The following CDKAL1 variants were observed in gnomAD, a reference collection of about 807,000 sequenced individuals.
CDKAL1 encodes the protein CDKAL1 threonylcarbamoyladenosine tRNA methylthiotransferase, also known as threonylcarbamoyladenosine tRNA methylthiotransferase.
Under a neutral mutation model 68.2 loss-of-function variants are expected in CDKAL1, and 32 were observed. That is an observed-to-expected ratio of 0.47 (90% CI 0.35 to 0.63). The LOEUF (loss-of-function observed/expected upper bound fraction) is 0.63, where lower values mean the gene tolerates loss of function less well. CDKAL1 is among the 30% of genes least tolerant of loss of function. The pLI, the probability that CDKAL1 is intolerant of heterozygous loss-of-function variation, is 0.00. For synonymous variants in CDKAL1, 234 were observed against 244.3 expected (o/e 0.96, Z 0.39); for missense variants, 606 against 696.7 (o/e 0.87, Z 1.47).
chr6:21,205,898 G>A (rs1330315590), intron 15 of CDKAL1, among the ~76,000 whole-genome samples: 4 of 137,360 alleles, frequency 2.9e-5, no homozygotes, highest in East Asian at 2.2e-4. Context: ...GCAGTGGCGC[G>A]ATCTTGGCTC....
intron 4 of CDKAL1, among the ~76,000 whole-genome samples, chr6:20,587,297 CA>C: frequency 6.6e-6 from 1 of 152,056 alleles, no homozygotes; most frequent in Non-Finnish European, 1.5e-5. Flanking sequence ...TCCTTCTTTT[CA>C]TTTTAGGGGA....
intron 5 of CDKAL1, among the ~76,000 whole-genome samples, chr6:20,678,005 G>A (rs1290417875): frequency 6.6e-6 from 1 of 150,948 alleles, no homozygotes; most frequent in Non-Finnish European, 1.5e-5. Flanking sequence ...ATCATTTTGT[G>A]AATGTTCAAT....
At chr6:20,715,529 T>G (rs1772050259) in intron 5 of CDKAL1, among the ~76,000 whole-genome samples, 1 of 152,194 alleles carries the variant, frequency 6.6e-6, no homozygotes, top group South Asian at 2.1e-4. Flanking sequence ...AGTGCAGAGA[T>G]CTTTTATGAA....
chr6:21,021,732 C>T (rs907585291), intron 11 of CDKAL1, among the ~76,000 whole-genome samples: 5 of 152,176 alleles, frequency 3.3e-5, no homozygotes, highest in African/African-American at 4.8e-5. Context: ...CCAGAGTTTT[C>T]GTCACCATTT....
At chr6:20,682,002 A>G (rs1770398902) in intron 5 of CDKAL1, among the ~76,000 whole-genome samples, 1 of 152,234 alleles carries the variant, frequency 6.6e-6, no homozygotes, top group African/African-American at 2.4e-5. Flanking sequence ...GTCCTCACAC[A>G]GTGGAAGGGG....
chr6:20,621,286 A>T lies in CDKAL1; in HGVS notation c.287-28007A>T, dbSNP rs142614608. ...GTTTTTCTCATGATTAGCCTGGGATATGGGTTATTGGGAGGAAGACCATGC... is the reference window on the plus strand; with the variant it reads ...GTTTTTCTCATGATTAGCCTGGGATTTGGGTTATTGGGAGGAAGACCATGC... On this transcript the variant is annotated intron_variant, in intron 4 of 15. Transcript: ENST00000274695. 5.1e-3 allele frequency among the ~76,000 whole-genome samples: 781 copies of T among 152,230 alleles called. 9 individuals are homozygous for T. Among genetic ancestry groups the T allele is most frequent in the African/African-American group, 0.018 (738 of 41,542 alleles).
intron 8 of CDKAL1, among the ~76,000 whole-genome samples, chr6:20,828,758 G>A (rs982540606): frequency 6.6e-6 from 1 of 152,120 alleles, no homozygotes; most frequent in African/African-American, 2.4e-5. Flanking sequence ...GTGGCATTAA[G>A]TACATTCGTG....
intron 9 of CDKAL1, among the ~76,000 whole-genome samples, chr6:20,946,324 C>T (rs570952127): frequency 1.1e-3 from 160 of 152,314 alleles, no homozygotes; most frequent in African/African-American, 3.8e-3. Flanking sequence ...CCCTCTGCTT[C>T]AAGGGCTCTT....
Position 20,883,654 on chromosome 6 carries a change from C to T in CDKAL1, c.742+37476C>T, listed in dbSNP as rs192300580. ...GAAGTGTCTTGATATATGCATCTTT[C>T]TTTGAAATGCATAAGAAAGTACAAT... On this transcript the variant is annotated intron_variant, in intron 9 of 15. Coordinates refer to ENST00000274695, the MANE Select transcript of CDKAL1 (RefSeq NM_017774.3). Among the ~76,000 whole-genome samples, 1,059 of 152,216 alleles carry T rather than the reference C, an allele frequency of 7.0e-3. 4 individuals are homozygous for T. Among genetic ancestry groups the T allele is most frequent in the Non-Finnish European group, 9.3e-3 (631 of 68,020 alleles).
chr6:20,636,803 G>A (rs959287482), intron 4 of CDKAL1, among the ~76,000 whole-genome samples: 1 of 152,182 alleles, frequency 6.6e-6, no homozygotes, highest in South Asian at 2.1e-4. Flanking sequence ...TTGGGAGGCC[G>A]AGGCGGGTGG....
intron 11 of CDKAL1, among the ~76,000 whole-genome samples, chr6:21,039,305 C>T (rs1199094689): frequency 2.0e-5 from 3 of 152,164 alleles, no homozygotes; most frequent in Admixed American, 6.5e-5. Flanking sequence ...CCCAAACCCC[C>T]AAGTCCATGG....
chr6:21,105,146 A>G (rs1015770145), intron 12 of CDKAL1, among the ~76,000 whole-genome samples: 1 of 152,232 alleles, frequency 6.6e-6, no homozygotes, highest in African/African-American at 2.4e-5. Context: ...ATAAGTGGGT[A>G]TATGGGAAGA....
chr6:21,156,421 C>T, intron 13 of CDKAL1, among the ~76,000 whole-genome samples: 1 of 87,452 alleles, frequency 1.1e-5, no homozygotes, highest in African/African-American at 5.4e-5. Context: ...GAGACCCTGT[C>T]TCCAAAAAAA....
chr6:21,122,721 C>T (rs571650826), intron 13 of CDKAL1, among the ~76,000 whole-genome samples: 1 of 151,746 alleles, frequency 6.6e-6, no homozygotes, highest in African/African-American at 2.4e-5. Context: ...ACTGCAGCCT[C>T]GAACTCCTGG....
chr6:21,178,503 T>G (rs1777670407), intron 13 of CDKAL1, among the ~76,000 whole-genome samples: 1 of 152,236 alleles, frequency 6.6e-6, no homozygotes, highest in African/African-American at 2.4e-5. Flanking sequence ...ATCATTTTTC[T>G]TAACATTTAT....
chr6:20,772,876 C>A (rs1262961407), intron 7 of CDKAL1: 1 of 152,180 alleles, frequency 6.6e-6, no homozygotes, highest in Non-Finnish European at 1.5e-5. Context: ...GTGTTGGAAC[C>A]TTCATGCTTT....
chr6:20,845,606 C>CTATA (rs775074952), intron 8 of CDKAL1, among the ~76,000 whole-genome samples: 2 of 151,890 alleles, frequency 1.3e-5, no homozygotes, highest in East Asian at 1.9e-4. Context: ...TATGAGAATG[C>CTATA]TATATTATCT....
intron 9 of CDKAL1, among the ~76,000 whole-genome samples, chr6:20,932,920 T>C (rs1458618821): frequency 1.3e-5 from 2 of 152,214 alleles, no homozygotes; most frequent in African/African-American, 2.4e-5. Context: ...TTTTGTGTTA[T>C]TGAATTTGAT....
intron 15 of CDKAL1, among the ~76,000 whole-genome samples, chr6:21,205,690 C>G (rs1299594980): frequency 2.6e-5 from 4 of 150,950 alleles, no homozygotes; most frequent in African/African-American, 4.9e-5. Flanking sequence ...GCCACCACGC[C>G]CAGCTAATTG....
Sources: allele counts gnomAD v4.1 joint callset (sites outside exome capture counted in the v4.1 genomes callset), GRCh38; gene constraint gnomAD v4.1.1; transcripts MANE v1.5; gene names NCBI Gene and HGNC (gene_info 2026-07-23, HGNC 2026-07-21).